Variants in SNRPD2 observed in about 807,000 individuals in gnomAD.
SNRPD2 encodes the protein small nuclear ribonucleoprotein Sm D2.
Under a neutral mutation model 11.5 loss-of-function variants are expected in SNRPD2, and 1 was observed. The ratio of observed to expected loss-of-function variants is 0.09; its 90% CI spans 0.03 to 0.41. The LOEUF (loss-of-function observed/expected upper bound fraction) is 0.41. Among genes scored for constraint, SNRPD2 ranks in the 10% least tolerant of loss-of-function variants. The pLI is 0.98. For synonymous variants in SNRPD2, 63 were observed against 61.5 expected (o/e 1.02, Z -0.12); for missense variants, 77 against 154.9 (o/e 0.50, Z 2.67).
intron 1 of SNRPD2, among the ~76,000 whole-genome samples, chr19:45,690,147 C>T (rs1193634425): frequency 6.6e-5 from 10 of 150,614 alleles, no homozygotes; most frequent in Non-Finnish European, 1.3e-4. Flanking sequence ...CTGGCTAACA[C>T]GGTGAAACCC....
In SNRPD2 at chr19:45,688,132, G is replaced by A. The variant is rs1454879655; in HGVS notation, c.182+255C>T. Among the ~76,000 whole-genome samples, 5 of 152,124 alleles carry A rather than the reference G, an allele frequency of 3.3e-5. No individual in the cohort carries two copies. Among genetic ancestry groups the A allele is most frequent in the South Asian group, 4.1e-4 (2 of 4,828 alleles). On this transcript the variant is annotated intron_variant, in intron 2 of 2. Coordinates refer to ENST00000342669, the MANE Select transcript of SNRPD2 (RefSeq NM_001384647.1). This position sits in a 1 kb window ranked among gnomAD's most constrained non-coding sequence, Gnocchi z 4.1. Reference sequence around the variant, plus strand: ...CACCTGAGTAGCTGTGAATACAGGCGTGCACCACCACGCCTGGCTTTTATA... The same window carrying A: ...CACCTGAGTAGCTGTGAATACAGGCATGCACCACCACGCCTGGCTTTTATA...
chr19:45,692,121 T>C (rs937650521), upstream of SNRPD2: 13 of 1,028,410 alleles, frequency 1.3e-5, no homozygotes, highest in East Asian at 2.4e-4. Context: ...CGGGGGCAGA[T>C]GTTTATGACA....
upstream of SNRPD2, chr19:45,692,060 A>G: frequency 6.5e-7 from 1 of 1,547,118 alleles, no homozygotes; most frequent in Non-Finnish European, 8.7e-7. Flanking sequence ...AACGGTGCAC[A>G]ATGATGGAAT....
intron 1 of SNRPD2, chr19:45,689,404 AT>A (rs1967483289): frequency 1.0e-5 from 4 of 397,216 alleles, no homozygotes. Context: ...ACAGTGGCTC[AT>A]GCCTGTAATC....
upstream of SNRPD2, chr19:45,692,106 C>A: frequency 8.3e-7 from 1 of 1,203,460 alleles, no homozygotes; most frequent in Non-Finnish European, 1.1e-6. Context: ...CCAGTCAGAA[C>A]CACACGGGGG....
At chr19:45,691,702 C>A in intron 1 of SNRPD2, 185 bp downstream of exon 1, 2 of 751,700 alleles carry the variant, frequency 2.7e-6, no homozygotes, top group Non-Finnish European at 4.7e-6. Context: ...TGTCCCCTCT[C>A]CCGAAGTCAC....
intron 1 of SNRPD2, among the ~76,000 whole-genome samples, chr19:45,690,223 C>T (rs1967502016): frequency 7.2e-6 from 1 of 138,444 alleles, no homozygotes; most frequent in African/African-American, 2.7e-5. Flanking sequence ...CCCAGCTACT[C>T]GGGAGGCTGA....
chr19:45,692,167 G>A (rs1394706288), upstream of SNRPD2: 4 of 611,180 alleles, frequency 6.5e-6, no homozygotes, highest in African/African-American at 3.7e-5. Flanking sequence ...GATTCAAACC[G>A]TTTCTTGAAG....
At position 45,688,811 on chromosome 19, in the gene SNRPD2, CA is replaced by C. The variant is rs1967471361; in HGVS notation, c.3-246del. ...GCAGTGATGTGATCTCGGCTCACTG[CA>C]ACCTCTGCCTCCTGGGTTCAAGCGA... On this transcript the variant is annotated intron_variant, in intron 1 of 2. Transcript: ENST00000342669. This position sits in a 1 kb window ranked among gnomAD's most constrained non-coding sequence, Gnocchi z 4.1. Among the ~76,000 whole-genome samples, 1 of 151,860 alleles carries C rather than the reference CA, an allele frequency of 6.6e-6. No homozygotes were observed. Among genetic ancestry groups the C allele is most frequent in the Admixed American group, 6.6e-5 (1 of 15,232 alleles).
chr19:45,688,674 TC>T lies in SNRPD2; in HGVS notation c.3-109del. 1 of 764,398 alleles carries T rather than the reference TC, an allele frequency of 1.3e-6. No homozygotes were observed. 47.4% of individuals were successfully genotyped at this position (764,398 alleles called of 1,614,324 possible). ...TGGCTTCAGTGTCTCCCCAACCTTGTCCCACCACATCTGTCCTCCTGTTCAG... is the reference window on the plus strand; with the variant it reads ...TGGCTTCAGTGTCTCCCCAACCTTGTCCACCACATCTGTCCTCCTGTTCAG... On this transcript the variant is annotated intron_variant, in intron 1 of 2. Coordinates refer to ENST00000342669, the MANE Select transcript of SNRPD2 (RefSeq NM_001384647.1). This position sits in a 1 kb window ranked among gnomAD's most constrained non-coding sequence, Gnocchi z 4.1.
chr19:45,691,595 C>A, intron 1 of SNRPD2: 3 of 394,040 alleles, frequency 7.6e-6, no homozygotes, highest in African/African-American at 2.1e-5. Context: ...TAGTCTCGAA[C>A]TCCTGTGTTC....
At chr19:45,691,799 C>CT in intron 1 of SNRPD2, 88 bp downstream of exon 1, 1 of 1,526,466 alleles carries the variant, frequency 6.6e-7, no homozygotes, top group South Asian at 1.1e-5. Context: ...CCCTGCCCCC[C>CT]CCGCTCTGCT....
At chr19:45,692,021 C>G, upstream of SNRPD2, 3 of 1,601,614 alleles carry the variant, frequency 1.9e-6, no homozygotes, top group East Asian at 6.7e-5. Flanking sequence ...TAAGTGGAGG[C>G]GTGGCCTGTT....
At chr19:45,691,984 C>T (rs1172216391), upstream of SNRPD2, 2 of 1,612,294 alleles carry the variant, frequency 1.2e-6, no homozygotes, top group Non-Finnish European at 1.7e-6. Flanking sequence ...GACCCACTTC[C>T]GTTGGCGCCT....
intron 1 of SNRPD2, among the ~76,000 whole-genome samples, chr19:45,691,048 A>C (rs1326392568): frequency 1.3e-5 from 2 of 152,150 alleles, no homozygotes; most frequent in Non-Finnish European, 2.9e-5. Context: ...ACCCGTCTCC[A>C]GCTCAAATGA....
intron 1 of SNRPD2, 86 bp downstream of exon 1, chr19:45,691,801 C>G (rs1568535285): frequency 1.8e-5 from 28 of 1,533,006 alleles, no homozygotes; most frequent in Middle Eastern, 1.7e-4. Context: ...CTGCCCCCCC[C>G]GCTCTGCTCA....
intron 1 of SNRPD2, chr19:45,689,249 G>A (rs1295183367): frequency 1.9e-6 from 1 of 520,148 alleles, no homozygotes; most frequent in Non-Finnish European, 3.8e-6. Context: ...CTAAGCCTCT[G>A]TCATCTCTGT....
At chr19:45,691,726 C>T in intron 1 of SNRPD2, 161 bp downstream of exon 1, 2 of 885,736 alleles carry the variant, frequency 2.3e-6, no homozygotes, top group Non-Finnish European at 3.7e-6. Context: ...GCGTCAAAGG[C>T]CCCACGCCCG....
chr19:45,692,206 C>T (rs1488706594), upstream of SNRPD2: 2 of 457,358 alleles, frequency 4.4e-6, no homozygotes, highest in Non-Finnish European at 7.6e-6. Flanking sequence ...AGGGAAATGA[C>T]AAGCTATTTC....
Sources: allele counts gnomAD v4.1 joint callset (sites outside exome capture counted in the v4.1 genomes callset), GRCh38; gene constraint gnomAD v4.1.1; non-coding constraint Gnocchi (gnomAD v3.1); transcripts MANE v1.5; gene names NCBI Gene and HGNC (gene_info 2026-07-23, HGNC 2026-07-21).